The following TTC28 variants were observed in gnomAD, a reference collection of about 807,000 sequenced individuals.
TTC28 encodes tetratricopeptide repeat domain 28.
A neutral mutation model predicts 198.0 loss-of-function variants in TTC28; 61 were observed. The observed-to-expected ratio is 0.31, with a 90% CI of 0.25 to 0.38. The LOEUF is 0.38. Among genes scored for constraint, TTC28 ranks in the 10% least tolerant of loss-of-function variants. TTC28 has a pLI of 1.00. For synonymous variants in TTC28, 1,171 were observed against 1,297.8 expected (o/e 0.90, Z 2.10); for missense variants, 2,678 against 3,164.0 (o/e 0.85, Z 3.69).
intron 2 of TTC28, among the ~76,000 whole-genome samples, chr22:28,352,140 C>A (rs2046005872): frequency 6.6e-6 from 1 of 151,872 alleles, no homozygotes; most frequent in African/African-American, 2.4e-5. Context: ...AAATTTTCAC[C>A]AATGATCTAT....
chr22:28,335,649 T>G (rs917948858), intron 2 of TTC28, among the ~76,000 whole-genome samples: 5 of 152,284 alleles, frequency 3.3e-5, no homozygotes, highest in African/African-American at 9.6e-5. Flanking sequence ...TGTCTGTTAT[T>G]GGTGTATAAG....
intron 5 of TTC28, among the ~76,000 whole-genome samples, chr22:28,295,661 C>A (rs2044879794): frequency 6.6e-6 from 1 of 152,148 alleles, no homozygotes; most frequent in African/African-American, 2.4e-5. Flanking sequence ...AGTCTCTAAT[C>A]ATGTTACATC....
chr22:27,983,543 G>C lies in TTC28; in HGVS notation c.6124C>G (p.Pro2042Ala), dbSNP rs567631583. Residue 2042 changes from proline (P) to alanine (A), a missense_variant, in exon 23 of 23, where the codon CCT becomes GCT. Transcript: ENST00000397906. The part of the protein sequence containing the change: ...QRSTLPRSQL[P>A]PQTRPAGNKD... ...TTGCCTGCAGGGCGGGTCTGGGGAGGCAGCTGGCTCCTAGGCAGGGTGGAT... is the reference window on the plus strand; with the variant it reads ...TTGCCTGCAGGGCGGGTCTGGGGAGCCAGCTGGCTCCTAGGCAGGGTGGAT... 3.9e-6 allele frequency: 6 copies of C among 1,551,332 alleles called. No individual in the cohort carries two copies. The highest frequency in any genetic ancestry group is 5.2e-6 in the Non-Finnish European group (6 of 1,146,890).
intron 5 of TTC28, among the ~76,000 whole-genome samples, chr22:28,196,112 G>C (rs1353669431): frequency 6.6e-6 from 1 of 151,880 alleles, no homozygotes; most frequent in Non-Finnish European, 1.5e-5. Flanking sequence ...GAACAGAACA[G>C]AGCCCTCAGA....
intron 2 of TTC28, among the ~76,000 whole-genome samples, chr22:28,443,935 G>A (rs991316635): frequency 6.6e-6 from 1 of 152,060 alleles, no homozygotes; most frequent in Non-Finnish European, 1.5e-5. Flanking sequence ...TTTCTGATTT[G>A]AAGAAAAAAG....
At chr22:28,234,474 G>A (rs968831259) in intron 5 of TTC28, among the ~76,000 whole-genome samples, 5 of 152,066 alleles carry the variant, frequency 3.3e-5, no homozygotes, top group African/African-American at 4.8e-5. Context: ...CTGGGTTCAC[G>A]TGATTCTCCT....
chr22:28,154,980 C>T (rs1251537490), intron 6 of TTC28, among the ~76,000 whole-genome samples: 1 of 152,156 alleles, frequency 6.6e-6, no homozygotes, highest in Non-Finnish European at 1.5e-5. Context: ...TTTTCCTTGG[C>T]TTCTTTGATA....
intron 5 of TTC28, among the ~76,000 whole-genome samples, chr22:28,225,678 T>C (rs1016278114): frequency 6.6e-6 from 1 of 152,226 alleles, no homozygotes; most frequent in Non-Finnish European, 1.5e-5. Context: ...TTGTAAGCTC[T>C]GACATATGTG....
intron 12 of TTC28, among the ~76,000 whole-genome samples, chr22:28,036,145 T>G (rs950404415): frequency 1.3e-5 from 2 of 152,184 alleles, no homozygotes; most frequent in Admixed American, 6.5e-5. Flanking sequence ...GTGGACCTAA[T>G]AGACATCTAC....
intron 15 of TTC28, chr22:27,999,584 A>C: frequency 1.3e-5 from 4 of 309,952 alleles, no homozygotes; most frequent in South Asian, 5.7e-5. Context: ...CTGCTCCACA[A>C]TCCTCATCCC....
At chr22:28,115,999 G>A (rs1401367160) in intron 6 of TTC28, among the ~76,000 whole-genome samples, 4 of 152,148 alleles carry the variant, frequency 2.6e-5, no homozygotes, top group African/African-American at 9.7e-5. Flanking sequence ...TATTTTTGTA[G>A]AGACTACATT....
chr22:28,455,683 A>C (rs151022653), intron 2 of TTC28, among the ~76,000 whole-genome samples: 2,421 of 151,222 alleles, frequency 0.016, 85 homozygotes, highest in African/African-American at 0.057. Context: ...CACTGCACTC[A>C]AGCCTGGGTG....
intron 5 of TTC28, among the ~76,000 whole-genome samples, chr22:28,208,841 C>T (rs964336855): frequency 6.6e-6 from 1 of 151,994 alleles, no homozygotes; most frequent in African/African-American, 2.4e-5. Flanking sequence ...GGGAAGAAGT[C>T]TGTCAGAAAA....
At chr22:28,188,809 G>A (rs1230968062) in intron 5 of TTC28, among the ~76,000 whole-genome samples, 1 of 151,914 alleles carries the variant, frequency 6.6e-6, no homozygotes, top group African/African-American at 2.4e-5. Context: ...AACATGAGGG[G>A]GATTCCCCAA....
chr22:28,655,955 G>C (rs563951609), intron 1 of TTC28, among the ~76,000 whole-genome samples: 2 of 151,898 alleles, frequency 1.3e-5, no homozygotes, highest in African/African-American at 2.4e-5. Flanking sequence ...CCTCTATCTC[G>C]TCAGGATTCA....
At chr22:28,245,919 A>C (rs1930058854) in intron 5 of TTC28, among the ~76,000 whole-genome samples, 2 of 152,110 alleles carry the variant, frequency 1.3e-5, no homozygotes, top group Admixed American at 1.3e-4. Flanking sequence ...TACGTCTTGA[A>C]TTTTCCTGTT....
chr22:28,462,926 T>C (rs2047969159), intron 2 of TTC28, among the ~76,000 whole-genome samples: 2 of 152,178 alleles, frequency 1.3e-5, no homozygotes, highest in African/African-American at 4.8e-5. Flanking sequence ...AGGCAATGAA[T>C]ATTTGATCTG....
intron 12 of TTC28, among the ~76,000 whole-genome samples, chr22:28,091,309 C>G (rs1941806396): frequency 6.6e-6 from 1 of 152,140 alleles, no homozygotes; most frequent in Admixed American, 6.5e-5. Context: ...TCTTCTTTCT[C>G]CTGGTGAATT....
intron 2 of TTC28, among the ~76,000 whole-genome samples, chr22:28,356,918 T>C (rs1452090763): frequency 2.6e-5 from 4 of 152,172 alleles, no homozygotes; most frequent in Admixed American, 2.6e-4. Flanking sequence ...AAGACCTCCT[T>C]CTGAGCATGA....
Sources: gnomAD v4.1 joint callset for allele counts (sites outside exome capture counted in the v4.1 genomes callset) on GRCh38, gnomAD v4.1.1 for gene constraint, MANE v1.5 for transcripts, NCBI Gene and HGNC (gene_info 2026-07-23, HGNC 2026-07-21) for gene names.